The following KIAA1217 variants were observed in gnomAD, a reference collection of about 807,000 sequenced individuals.
The protein encoded by KIAA1217 is KIAA1217.
In KIAA1217, 88 loss-of-function variants were observed where a neutral mutation model predicts 163.9. The ratio of observed to expected loss-of-function variants is 0.54; its 90% CI spans 0.45 to 0.64. The LOEUF is 0.64. Ranked by LOEUF, KIAA1217 falls within the 30% of genes least tolerant of loss-of-function variation. The pLI is 0.00. For missense variants in KIAA1217, 2,372 were observed against 2,475.0 expected, an observed-to-expected ratio of 0.96 and a Z score of 0.88; for synonymous variants, 903 against 923.1, an observed-to-expected ratio of 0.98 and a Z score of 0.39.
At chr10:23,786,045 A>G (rs1835477637) in intron 1 of KIAA1217, among the ~76,000 whole-genome samples, 1 of 152,164 alleles carries the variant, frequency 6.6e-6, no homozygotes, top group Admixed American at 6.6e-5. Context: ...AAAAGAGATT[A>G]AAACAAGTAT....
chr10:24,388,036 C>T (rs1403539308), intron 3 of KIAA1217, among the ~76,000 whole-genome samples: 1 of 152,144 alleles, frequency 6.6e-6, no homozygotes, highest in Non-Finnish European at 1.5e-5. Context: ...ACTTTCTTCA[C>T]AGAATTGGAA....
intron 1 of KIAA1217, among the ~76,000 whole-genome samples, chr10:23,749,013 A>T (rs117849153): frequency 1.3e-5 from 2 of 152,170 alleles, no homozygotes; most frequent in East Asian, 3.9e-4. Flanking sequence ...AGAGCTCGTC[A>T]TCACCTGCTG....
chr10:23,864,599 T>C (rs1840101915), intron 1 of KIAA1217, among the ~76,000 whole-genome samples: 1 of 151,826 alleles, frequency 6.6e-6, no homozygotes, highest in African/African-American at 2.4e-5. Context: ...TTCCTGAATT[T>C]TTCCCGTATT....
At chr10:24,463,285 G>A (rs1260436338) in intron 5 of KIAA1217, among the ~76,000 whole-genome samples, 2 of 152,184 alleles carry the variant, frequency 1.3e-5, no homozygotes, top group Non-Finnish European at 1.5e-5. Context: ...GTTGGACCCA[G>A]GACTGGTCAG....
intron 2 of KIAA1217, among the ~76,000 whole-genome samples, chr10:24,223,332 G>A (rs1441092793): frequency 2.0e-5 from 3 of 152,120 alleles, no homozygotes; most frequent in South Asian, 2.1e-4. Context: ...TGTAGACATG[G>A]CCTATGAAAT....
At chr10:24,050,335 T>C (rs1014999621) in intron 2 of KIAA1217, among the ~76,000 whole-genome samples, 3 of 152,226 alleles carry the variant, frequency 2.0e-5, no homozygotes, top group Non-Finnish European at 4.4e-5. Context: ...CAATTTTGGC[T>C]TTTGTTGCCA....
At chr10:23,848,588 C>T (rs1391363157) in intron 1 of KIAA1217, among the ~76,000 whole-genome samples, 7 of 152,058 alleles carry the variant, frequency 4.6e-5, no homozygotes, top group African/African-American at 1.4e-4. Flanking sequence ...TGGCCCAAAT[C>T]ATGGGTCTCT....
intron 6 of KIAA1217, among the ~76,000 whole-genome samples, chr10:24,483,413 G>A (rs1168834108): frequency 2.6e-5 from 4 of 152,154 alleles, no homozygotes; most frequent in African/African-American, 4.8e-5. Flanking sequence ...CCGTTAAAAC[G>A]TGAGACCTTT....
At chr10:23,801,939 A>C (rs1452027662) in intron 1 of KIAA1217, among the ~76,000 whole-genome samples, 1 of 152,188 alleles carries the variant, frequency 6.6e-6, no homozygotes, top group Non-Finnish European at 1.5e-5. Context: ...AAAAATCTAG[A>C]TGTCTTCTTT....
intron 2 of KIAA1217, among the ~76,000 whole-genome samples, chr10:24,118,628 G>A (rs1056289215): frequency 1.3e-5 from 2 of 152,086 alleles, no homozygotes; most frequent in African/African-American, 4.8e-5. Flanking sequence ...CAGAGATAGC[G>A]GAGACAGTTA....
At chr10:24,085,658 C>T (rs1278359362) in intron 2 of KIAA1217, among the ~76,000 whole-genome samples, 2 of 151,108 alleles carry the variant, frequency 1.3e-5, no homozygotes, top group Admixed American at 6.6e-5. Context: ...GATAAATACA[C>T]ACAATTTCAG....
At chr10:24,233,277 A>T (rs141383974) in intron 2 of KIAA1217, among the ~76,000 whole-genome samples, 2 of 152,186 alleles carry the variant, frequency 1.3e-5, no homozygotes, top group African/African-American at 2.4e-5. Flanking sequence ...AAGAGGTGCC[A>T]GGCTCTTTTT....
At chr10:24,333,060 C>A (rs1223553200) in intron 2 of KIAA1217, among the ~76,000 whole-genome samples, 1 of 152,094 alleles carries the variant, frequency 6.6e-6, no homozygotes, top group Non-Finnish European at 1.5e-5. Context: ...CTTGCTCTGT[C>A]ACCCAGGCTG....
chr10:24,118,395 T>TG lies in KIAA1217; in HGVS notation c.-170-101230dup, dbSNP rs556181974. 9.2e-5 allele frequency among the ~76,000 whole-genome samples: 14 copies of TG among 152,312 alleles called. No homozygotes were observed. The South Asian group carries it at 2.9e-3, about 32-fold the overall frequency. The stretch of plus-strand genomic sequence containing the variant: ...GGGCTCATTGCTGAGCTGATTCTGC[T>TG]GAGCCTAGAAAACCGAGCGCCTTAA... On this transcript the variant is annotated intron_variant, in intron 2 of 18. Coordinates refer to the KIAA1217 transcript ENST00000376462.
chr10:23,757,289 A>G (rs1279914871), intron 1 of KIAA1217, among the ~76,000 whole-genome samples: 2 of 152,114 alleles, frequency 1.3e-5, no homozygotes, highest in African/African-American at 2.4e-5. Flanking sequence ...TTCTTGAGGA[A>G]CCACCATAGT....
intron 2 of KIAA1217, among the ~76,000 whole-genome samples, chr10:24,107,984 G>A (rs1478527062): frequency 2.0e-5 from 3 of 152,286 alleles, no homozygotes; most frequent in African/African-American, 7.2e-5. Context: ...GCAGGATGGG[G>A]TTGTCCAGGT....
intron 1 of KIAA1217, among the ~76,000 whole-genome samples, chr10:24,003,496 T>G (rs1290446138): frequency 6.6e-6 from 1 of 152,224 alleles, no homozygotes; most frequent in Non-Finnish European, 1.5e-5. Context: ...CAAATAGTAT[T>G]TCTTTAACTC....
intron 2 of KIAA1217, among the ~76,000 whole-genome samples, chr10:24,109,375 C>G (rs901396723): frequency 6.6e-6 from 1 of 151,314 alleles, no homozygotes; most frequent in Non-Finnish European, 1.5e-5. Flanking sequence ...TTTGGTTGAA[C>G]TGTGGTCTCT....
chr10:23,745,083 T>C (rs1410039108), intron 1 of KIAA1217, among the ~76,000 whole-genome samples: 2 of 152,184 alleles, frequency 1.3e-5, no homozygotes, highest in African/African-American at 2.4e-5. Context: ...TATTGACATA[T>C]AAAAAGTTAA....
Sources: allele counts gnomAD v4.1 joint callset (sites outside exome capture counted in the v4.1 genomes callset), GRCh38; gene constraint gnomAD v4.1.1; transcripts MANE v1.5; gene names NCBI Gene and HGNC (gene_info 2026-07-23, HGNC 2026-07-21).